SLC4A11: variants seen among roughly 807,000 people sequenced by gnomAD.
SLC4A11 encodes solute carrier family 4 member 11, also known as bicarbonate transporter related protein 1.
SLC4A11 carries 74 observed loss-of-function variants against 95.0 expected under a neutral mutation model. That is an observed-to-expected ratio of 0.78 (90% CI 0.65 to 0.95). The LOEUF is 0.95. SLC4A11 is among the 40% of genes least tolerant of loss of function. The pLI is 0.00. For missense variants in SLC4A11, 1,081 were observed against 1,192.4 expected, an observed-to-expected ratio of 0.91 and a Z score of 1.38; for synonymous variants, 548 against 519.0, an observed-to-expected ratio of 1.06 and a Z score of -0.76.
In SLC4A11 at chr20:3,231,313, C is replaced by G. The variant is rs199979686; in HGVS notation, c.948+17G>C. The G allele has an allele frequency of 6.2e-7, 1 of 1,613,514 alleles. No homozygotes were observed. The highest frequency in any genetic ancestry group is 1.3e-5 in the African/African-American group (1 of 74,926). On this transcript the variant is annotated intron_variant, in intron 8 of 19. Transcript: ENST00000642402. This position sits in a 1 kb window ranked among gnomAD's most constrained non-coding sequence, Gnocchi z 5.2. ...CCCCGCCGACCCTGCCGGCCCCCGC[C>G]GGCCTCTACCCTGTACCTCTGGGTG...
intron 6 of SLC4A11, 49 bp from the exon 7 acceptor site, chr20:3,233,686 G>A: frequency 6.2e-7 from 1 of 1,605,252 alleles, no homozygotes; most frequent in Non-Finnish European, 8.5e-7. Flanking sequence ...CCAGGGAGCT[G>A]GGGCTCCCCG....
intron 2 of SLC4A11, 145 bp downstream of exon 2, chr20:3,237,397 AAG>A: frequency 1.2e-6 from 1 of 854,004 alleles, no homozygotes; most frequent in Non-Finnish European, 2.0e-6. Flanking sequence ...TAGCTTCCCG[AAG>A]AGTGGAAGCC....
Position 3,233,828 on chromosome 20 carries a change from TCA to T in SLC4A11, c.605+91_605+92del, listed in dbSNP as rs1167975462. The stretch of plus-strand genomic sequence containing the variant: ...GGTTGGGCCGCCAGAGCCCCAGGAC[TCA>T]CAGGTGGGCTGGCCTCTGCAGGGCA... On this transcript the variant is annotated intron_variant, in intron 6 of 19. Coordinates refer to ENST00000642402, the MANE Select transcript of SLC4A11 (RefSeq NM_001174089.2). 16 of 1,532,242 alleles carry T rather than the reference TCA, an allele frequency of 1.0e-5. No individual in the cohort carries two copies. The Admixed American group carries it at 2.3e-4, about 22-fold the overall frequency. The allele number at this position is 1,532,242 out of a possible 1,614,324, so 94.9% of individuals were successfully genotyped here. A position where few individuals can be genotyped will look rare whatever the true frequency, so the allele number is the denominator to read the frequency against.
intron 16 of SLC4A11, 35 bp downstream of exon 16, chr20:3,229,060 G>GCGGCC: frequency 1.9e-6 from 3 of 1,542,140 alleles, no homozygotes; most frequent in Non-Finnish European, 2.6e-6. Flanking sequence ...AGAGGCCCGG[G>GCGGCC]CCCCGCCCAC....
At position 3,234,885 on chromosome 20, in the gene SLC4A11, T is replaced by C. The variant is rs956666896; in HGVS notation, c.98A>G (p.Lys33Arg). 6.2e-7 allele frequency: 1 copy of C among 1,613,792 alleles called. No homozygotes were observed. Residue 33 changes from lysine (K) to arginine (R), a missense_variant, in exon 3 of 20, where the codon AAG becomes AGG. By Grantham distance (26) the Lys-to-Arg change is conservative. This residue lies in a region of SLC4A11 where 310 missense variants were observed against 313.5 expected (regional missense o/e 0.99). Transcript: ENST00000642402. This position sits in a 1 kb window ranked among gnomAD's most constrained non-coding sequence, Gnocchi z 5.8. Reference protein sequence around the residue: ...NGYFEDSSYYKCDTDDTFEAR... With the variant: ...NGYFEDSSYYRCDTDDTFEAR... ...TTCGAAGGTGTCATCTGTGTCACAC[T>C]TGTAGTAGCCTAGAGACCCCCAAGA... is the stretch of plus-strand genomic sequence containing the variant.
rs1485790566 is a variant in SLC4A11, at chr20:3,234,819, G to A, written c.164C>T (p.Ala55Val). ...CTCGCCAGACACGATGGAGGAGTTG[G>A]CAGTGTCGAAGGCCTCATCCCCCAG... ...EILGDEAFDT[A>V]NSSIVSGESI... is the part of the protein sequence containing the mutation. Residue 55 changes from alanine to valine, a missense_variant, in exon 3 of 20, where the codon GCC (alanine) becomes GTC (valine). Coordinates refer to ENST00000642402, the MANE Select transcript of SLC4A11 (RefSeq NM_001174089.2). The surrounding 1 kb of genome is among the most constrained non-coding windows in gnomAD (Gnocchi z 5.8). 6.2e-7 allele frequency: 1 copy of A among 1,614,062 alleles called. No individual in the cohort carries two copies.
Position 3,233,904 on chromosome 20 carries a change from G to A in SLC4A11, c.605+17C>T, listed in dbSNP as rs1283024412. On this transcript the variant is annotated intron_variant, in intron 6 of 19. Coordinates refer to ENST00000642402, the MANE Select transcript of SLC4A11 (RefSeq NM_001174089.2). ...CCACTGCGACAAGAAGGGGGGCCAA[G>A]TGGCCTGGCAACTCACATGATGCAG... 3.1e-6 allele frequency: 5 copies of A among 1,611,888 alleles called. 1 individual carries two copies. The South Asian group carries it at 5.5e-5, about 18-fold the overall frequency.
At chr20:3,227,932 G>T in intron 19 of SLC4A11, 76 bp from the exon 20 acceptor site, 2 of 960,900 alleles carry the variant, frequency 2.1e-6, no homozygotes, top group Non-Finnish European at 2.7e-6. Flanking sequence ...GCCCACCCCA[G>T]CCCACCCACA....
chr20:3,229,795 A>G lies in SLC4A11; in HGVS notation c.1490-19T>C, dbSNP rs750364389. The G allele has an allele frequency of 6.2e-7, 1 of 1,613,694 alleles. No homozygotes were observed. The highest frequency in any genetic ancestry group is 8.5e-7 in the Non-Finnish European group (1 of 1,179,950). On this transcript the variant is annotated intron_variant, in intron 13 of 19. Transcript: ENST00000642402. The stretch of plus-strand genomic sequence containing the variant: ...CAGAAGACTGTGGACACACACCCAC[A>G]GGCCTCAGCCCTCTCCAGCGTGTGG...
At chr20:3,233,342 T>C (rs1183878809) in intron 7 of SLC4A11, among the ~76,000 whole-genome samples, 172 bp downstream of exon 7, 2 of 152,094 alleles carry the variant, frequency 1.3e-5, no homozygotes, top group African/African-American at 2.4e-5. Context: ...CCCGGGGACA[T>C]GAGGACTTGC....
Position 3,233,896 on chromosome 20 carries a change from G to A in SLC4A11, c.605+25C>T, listed in dbSNP as rs532474724. The stretch of plus-strand genomic sequence containing the variant: ...ACCCAGTTCCACTGCGACAAGAAGG[G>A]GGGCCAAGTGGCCTGGCAACTCACA... On this transcript the variant is annotated intron_variant, in intron 6 of 19. Coordinates refer to ENST00000642402, the MANE Select transcript of SLC4A11 (RefSeq NM_001174089.2). The A allele has an allele frequency of 6.8e-6, 11 of 1,610,966 alleles. No homozygotes were observed. In the South Asian group the frequency reaches 1.1e-4, roughly 16 times the overall value.
intron 1 of SLC4A11, 42 bp from the exon 2 acceptor site, chr20:3,237,630 C>T: frequency 1.9e-6 from 3 of 1,614,062 alleles, no homozygotes; most frequent in Middle Eastern, 1.6e-4. Flanking sequence ...ATGGACCAAG[C>T]CCTGGACCTC....
In SLC4A11 at chr20:3,234,176, C is replaced by A; in HGVS notation, c.430G>T (p.Ala144Ser). ...NVLRTMLRRF[A>S]RDPDNNEPNC... is the part of the protein sequence containing the mutation. ...GGCTCATTGTTGTCAGGGTCCCTGG[C>A]GAAGCGGCGAAGCATGGTCCGCAGC... The change falls in exon 5 of 20, where the codon GCC (alanine) becomes TCC (serine). Residue 144 changes from alanine (A) to serine (S), a missense_variant. Ala to Ser is a moderately conservative substitution (Grantham distance 99). Around this residue, in one of 3 missense-constraint regions of SLC4A11, gnomAD observed 310 missense variants for 313.5 expected, o/e 0.99. Coordinates refer to ENST00000642402, the MANE Select transcript of SLC4A11 (RefSeq NM_001174089.2). This position sits in a 1 kb window ranked among gnomAD's most constrained non-coding sequence, Gnocchi z 5.8. The A allele has an allele frequency of 6.2e-7, 1 of 1,613,912 alleles. No individual in the cohort carries two copies. The highest frequency in any genetic ancestry group is 1.3e-5 in the African/African-American group (1 of 75,036).
chr20:3,237,966 G>T (rs760471416), intron 1 of SLC4A11: 3 of 1,550,296 alleles, frequency 1.9e-6, no homozygotes, highest in African/African-American at 2.7e-5. Flanking sequence ...GGGCCCGAGC[G>T]GGCCTCTCCC....
intron 1 of SLC4A11, chr20:3,238,406 G>A: frequency 9.4e-7 from 1 of 1,067,430 alleles, no homozygotes; most frequent in Non-Finnish European, 1.1e-6. Flanking sequence ...CGGGGCGGGA[G>A]CCGGGGCTGC....
At chr20:3,238,152 C>T in intron 1 of SLC4A11, 2 of 1,443,740 alleles carry the variant, frequency 1.4e-6, no homozygotes, top group South Asian at 1.5e-5. Context: ...GGACCGCGTC[C>T]CGGCCGCCTG....
chr20:3,238,352 C>T, intron 1 of SLC4A11: 1 of 985,434 alleles, frequency 1.0e-6, no homozygotes, highest in Non-Finnish European at 1.2e-6. Flanking sequence ...CGCCTCCAGA[C>T]TCGGAGACCC....
In SLC4A11 at chr20:3,231,114, G is replaced by A. The variant is rs987508728; in HGVS notation, c.1042+35C>T. On this transcript the variant is annotated intron_variant, in intron 9 of 19. Coordinates refer to ENST00000642402, the MANE Select transcript of SLC4A11 (RefSeq NM_001174089.2). The surrounding 1 kb of genome is among the most constrained non-coding windows in gnomAD (Gnocchi z 5.2). Reference sequence around the variant, plus strand: ...CTGGGGATGCAGGACAGGCACACGTGTGGGCCCAAGGCCTGGAAAGCAGAG... The same window carrying A: ...CTGGGGATGCAGGACAGGCACACGTATGGGCCCAAGGCCTGGAAAGCAGAG... 3.7e-6 allele frequency: 6 copies of A among 1,614,054 alleles called. No individual in the cohort carries two copies. Among genetic ancestry groups the A allele is most frequent in the Non-Finnish European group, 5.1e-6 (6 of 1,180,036 alleles).
In SLC4A11 at chr20:3,231,275, G is replaced by A. The variant is rs1441913675; in HGVS notation, c.949-33C>T. The stretch of plus-strand genomic sequence containing the variant: ...AGAGGACAGAGCGCCTGTTAGCCCT[G>A]TCCGGCCCATGCCCCCGCCGACCCT... On this transcript the variant is annotated intron_variant, in intron 8 of 19. Transcript: ENST00000642402. The surrounding 1 kb of genome is among the most constrained non-coding windows in gnomAD (Gnocchi z 5.2). 2.5e-6 allele frequency: 4 copies of A among 1,613,498 alleles called. No individual in the cohort carries two copies. Among genetic ancestry groups the A allele is most frequent in the Non-Finnish European group, 3.4e-6 (4 of 1,179,892 alleles).
Sources: gnomAD v4.1 joint callset for allele counts (sites outside exome capture counted in the v4.1 genomes callset) on GRCh38, gnomAD v4.1.1 for gene constraint, gnomAD v4.1.1 regional missense constraint, Gnocchi (gnomAD v3.1) non-coding constraint, MANE v1.5 for transcripts, NCBI Gene and HGNC (gene_info 2026-07-23, HGNC 2026-07-21) for gene names.